The following GRIK1 variants were observed in gnomAD, a reference collection of about 807,000 sequenced individuals.
GRIK1 encodes glutamate receptor ionotropic, kainate 1.
Under a neutral mutation model 105.7 loss-of-function variants are expected in GRIK1, and 69 were observed. The ratio of observed to expected loss-of-function variants is 0.65; its 90% CI spans 0.54 to 0.80. GRIK1 has a LOEUF of 0.80. Ranked by LOEUF, GRIK1 falls within the 30% of genes least tolerant of loss-of-function variation. The probability of loss-of-function intolerance (pLI) is 0.00; values close to 1 mark genes in which losing one functional copy is unlikely to be tolerated. For missense variants in GRIK1, 1,109 were observed against 1,167.3 expected (o/e 0.95, Z 0.73); for synonymous variants, 438 against 431.3 (o/e 1.02, Z -0.19).
At chr21:29,623,243 A>G (rs2062047791) in intron 7 of GRIK1, among the ~76,000 whole-genome samples, 1 of 152,160 alleles carries the variant, frequency 6.6e-6, no homozygotes, top group South Asian at 2.1e-4. Context: ...CTATAAAACC[A>G]TGAGATCTCA....
intron 1 of GRIK1, among the ~76,000 whole-genome samples, chr21:29,785,843 A>G (rs2066245678): frequency 6.6e-6 from 1 of 152,276 alleles, no homozygotes; most frequent in East Asian, 1.9e-4. Flanking sequence ...GATTGGAGAG[A>G]TGCTGCCACA....
intron 6 of GRIK1, among the ~76,000 whole-genome samples, chr21:29,647,031 A>G (rs185410588): frequency 5.6e-4 from 85 of 152,180 alleles, no homozygotes; most frequent in African/African-American, 1.9e-3. Context: ...TTTTTAGTAG[A>G]GACAAAGTTT....
At chr21:29,570,393 T>G (rs1369147000) in intron 14 of GRIK1, among the ~76,000 whole-genome samples, 2 of 151,762 alleles carry the variant, frequency 1.3e-5, no homozygotes, top group African/African-American at 4.8e-5. Context: ...TCCCAGCTAC[T>G]CAGGAGGCTG....
At chr21:29,574,527 T>G (rs1328836355) in intron 14 of GRIK1, among the ~76,000 whole-genome samples, 1 of 152,168 alleles carries the variant, frequency 6.6e-6, no homozygotes, top group Non-Finnish European at 1.5e-5. Flanking sequence ...GATGAATCAC[T>G]AGCTTGGGGT....
intron 4 of GRIK1, 145 bp downstream of exon 4, chr21:29,672,838 A>T: frequency 1.5e-6 from 1 of 655,064 alleles, no homozygotes. Flanking sequence ...TGCCTGTTTA[A>T]AAGGGCTCTG....
Position 29,939,797 on chromosome 21 carries a change from A to G in GRIK1, c.-297T>C. 3.3e-6 allele frequency: 1 copy of G among 299,456 alleles called. No homozygotes were observed. Among genetic ancestry groups the G allele is most frequent in the Non-Finnish European group, 6.2e-6 (1 of 162,564 alleles). 18.5% of individuals were successfully genotyped at this position (299,456 alleles called of 1,614,324 possible). ...GCGCTCTCTGGCTCCCGGAGCCCAG[A>G]GACCAGCTGAGGAAAGTTGCTGCCC... On this transcript the variant is annotated 5_prime_UTR_variant, in exon 1 of 18. Transcript: ENST00000327783.
At chr21:29,918,298 C>T (rs1329206025) in intron 1 of GRIK1, among the ~76,000 whole-genome samples, 1 of 152,014 alleles carries the variant, frequency 6.6e-6, no homozygotes, top group Non-Finnish European at 1.5e-5. Flanking sequence ...TAACCACATT[C>T]CCAAGCACTG....
chr21:29,665,031 T>C (rs1286489639), intron 4 of GRIK1, among the ~76,000 whole-genome samples: 1 of 152,244 alleles, frequency 6.6e-6, no homozygotes, highest in South Asian at 2.1e-4. Context: ...AAATTTTTCT[T>C]ATCTCCTACT....
chr21:29,619,242 T>A (rs1426099745), intron 7 of GRIK1, among the ~76,000 whole-genome samples: 1 of 151,254 alleles, frequency 6.6e-6, no homozygotes, highest in African/African-American at 2.4e-5. Context: ...ATCAAGACCA[T>A]CCTGGCCAAC....
chr21:29,781,269 T>G (rs2145778043), intron 1 of GRIK1, among the ~76,000 whole-genome samples: 1 of 152,252 alleles, frequency 6.6e-6, no homozygotes, highest in Middle Eastern at 3.4e-3. Context: ...TTCCTTTCTT[T>G]CTCCTTTCCT....
intron 15 of GRIK1, among the ~76,000 whole-genome samples, chr21:29,558,836 G>A (rs1344250449): frequency 2.6e-5 from 4 of 152,042 alleles, no homozygotes; most frequent in Admixed American, 1.3e-4. Context: ...AAAGTGGTAG[G>A]AAGAAATGCA....
At chr21:29,752,002 T>C (rs1032857301) in intron 1 of GRIK1, among the ~76,000 whole-genome samples, 5 of 152,254 alleles carry the variant, frequency 3.3e-5, no homozygotes, top group Non-Finnish European at 7.3e-5. Context: ...GTTGTCTCAG[T>C]ATAGAAAATC....
intron 4 of GRIK1, among the ~76,000 whole-genome samples, chr21:29,660,666 G>T (rs1354785089): frequency 1.3e-5 from 2 of 152,170 alleles, no homozygotes; most frequent in Non-Finnish European, 2.9e-5. Context: ...TATTTATATG[G>T]TTTTTTATTA....
intron 1 of GRIK1, among the ~76,000 whole-genome samples, chr21:29,935,019 GA>G (rs1291495495): frequency 6.6e-6 from 1 of 152,056 alleles, no homozygotes; most frequent in African/African-American, 2.4e-5. Context: ...GGACCAACAT[GA>G]TTTTGAAGAC....
chr21:29,927,490 C>T (rs1454257351), intron 1 of GRIK1, among the ~76,000 whole-genome samples: 1 of 149,820 alleles, frequency 6.7e-6, no homozygotes, highest in Non-Finnish European at 1.5e-5. Context: ...TATGTATATG[C>T]AATGCTTATA....
At chr21:29,643,892 G>T (rs1474080830) in intron 6 of GRIK1, among the ~76,000 whole-genome samples, 1 of 150,262 alleles carries the variant, frequency 6.7e-6, no homozygotes, top group Non-Finnish European at 1.5e-5. Flanking sequence ...TAGGATATTT[G>T]TGGAGGGGCA....
intron 1 of GRIK1, among the ~76,000 whole-genome samples, chr21:29,765,771 G>C (rs1005792784): frequency 2.6e-5 from 4 of 152,096 alleles, no homozygotes; most frequent in African/African-American, 9.7e-5. Context: ...CCACCTGTGA[G>C]AGCCAGGAGC....
intron 11 of GRIK1, 142 bp from the exon 12 acceptor site, chr21:29,587,731 A>G: frequency 1.7e-6 from 1 of 605,236 alleles, no homozygotes; most frequent in Admixed American, 3.0e-5. Flanking sequence ...TTCTAATAAA[A>G]AAAAGCCAAT....
chr21:29,690,920 T>C (rs1450079614), intron 2 of GRIK1, among the ~76,000 whole-genome samples: 2 of 152,252 alleles, frequency 1.3e-5, no homozygotes, highest in African/African-American at 4.8e-5. Flanking sequence ...TTTAACACTA[T>C]AGCATGTCTT....
Sources: allele counts gnomAD v4.1 joint callset (sites outside exome capture counted in the v4.1 genomes callset), GRCh38; gene constraint gnomAD v4.1.1; transcripts MANE v1.5; gene names NCBI Gene and HGNC (gene_info 2026-07-23, HGNC 2026-07-21).